The following ALKBH8 variants were observed in gnomAD, a reference collection of about 807,000 sequenced individuals.
The protein encoded by ALKBH8 is tRNA (carboxymethyluridine(34)-5-O)-methyltransferase ALKBH8.
ALKBH8 carries 36 observed loss-of-function variants against 59.8 expected under a neutral mutation model. That is an observed-to-expected ratio of 0.60 (90% confidence interval 0.46 to 0.79). The LOEUF (loss-of-function observed/expected upper bound fraction) is 0.79, where lower values mean the gene tolerates loss of function less well. ALKBH8 is among the 30% of genes least tolerant of loss of function. ALKBH8 has a pLI of 0.00. For synonymous variants in ALKBH8, 276 were observed against 273.6 expected (o/e 1.01, Z -0.09); for missense variants, 768 against 801.0 (o/e 0.96, Z 0.50).
chr11:107,561,416 A>G (rs1459862089), intron 1 of ALKBH8, among the ~76,000 whole-genome samples: 1 of 152,180 alleles, frequency 6.6e-6, no homozygotes, highest in Admixed American at 6.5e-5. Context: ...TAAACACAAA[A>G]TTCAGGAGAG....
intron 8 of ALKBH8, among the ~76,000 whole-genome samples, chr11:107,526,666 A>C (rs1389954777): frequency 6.6e-6 from 1 of 151,960 alleles, no homozygotes; most frequent in African/African-American, 2.4e-5. Context: ...GGTCACAAAA[A>C]CAGTTTTTTA....
chr11:107,512,309 T>TTTTGTTTG (rs10676289), intron 10 of ALKBH8, among the ~76,000 whole-genome samples: 3 of 138,776 alleles, frequency 2.2e-5, no homozygotes, highest in African/African-American at 4.9e-5. Context: ...AAGGGTTTTT[T>TTTTGTTTG]TTTGTTTGTT....
At chr11:107,552,009 T>C (rs1469326687) in intron 5 of ALKBH8, 97 bp from the exon 6 acceptor site, 3 of 580,708 alleles carry the variant, frequency 5.2e-6, no homozygotes, top group Non-Finnish European at 7.7e-6. Flanking sequence ...ATCTCTGAGC[T>C]TTTAATTTAG....
intron 7 of ALKBH8, among the ~76,000 whole-genome samples, chr11:107,534,873 C>T (rs1316073677): frequency 6.6e-6 from 1 of 151,876 alleles, no homozygotes; most frequent in Non-Finnish European, 1.5e-5. Flanking sequence ...GCAGTGTACA[C>T]TGTACCCAAT....
intron 8 of ALKBH8, among the ~76,000 whole-genome samples, chr11:107,527,385 C>G (rs892335428): frequency 5.3e-5 from 8 of 151,906 alleles, no homozygotes; most frequent in African/African-American, 1.9e-4. Context: ...GTTGATACCT[C>G]TTTACTATAA....
At chr11:107,538,626 T>G (rs1863918270) in intron 7 of ALKBH8, among the ~76,000 whole-genome samples, 1 of 152,174 alleles carries the variant, frequency 6.6e-6, no homozygotes, top group Non-Finnish European at 1.5e-5. Context: ...TATACAACTT[T>G]CACACATCCA....
chr11:107,514,310 A>C (rs1862766206), intron 10 of ALKBH8, among the ~76,000 whole-genome samples: 2 of 152,192 alleles, frequency 1.3e-5, no homozygotes, highest in African/African-American at 4.8e-5. Flanking sequence ...ATTCACAATA[A>C]AAGAATGGAA....
chr11:107,565,472 TG>T, intron 1 of ALKBH8, 128 bp downstream of exon 1: 1 of 1,368,214 alleles, frequency 7.3e-7, no homozygotes, highest in Non-Finnish European at 9.9e-7. Flanking sequence ...AGGGCGCCTC[TG>T]GGATCCATCC....
At chr11:107,558,903 G>A (rs189168262) in intron 2 of ALKBH8, among the ~76,000 whole-genome samples, 2 of 152,178 alleles carry the variant, frequency 1.3e-5, no homozygotes, top group Non-Finnish European at 1.5e-5. Context: ...GTACAAAGGA[G>A]CCTAAAATTA....
intron 8 of ALKBH8, among the ~76,000 whole-genome samples, chr11:107,530,573 C>A (rs920622599): frequency 6.7e-6 from 1 of 149,528 alleles, no homozygotes; most frequent in Non-Finnish European, 1.5e-5. Context: ...CCCTCTCTCC[C>A]CCATTTCCCC....
intron 10 of ALKBH8, among the ~76,000 whole-genome samples, chr11:107,514,506 A>T (rs901777616): frequency 2.0e-5 from 3 of 152,214 alleles, no homozygotes; most frequent in Non-Finnish European, 2.9e-5. Context: ...ATATATTTTA[A>T]GATAAAAAGT....
At chr11:107,525,684 G>A (rs1863323377) in intron 8 of ALKBH8, 92 bp from the exon 9 acceptor site, 2 of 887,948 alleles carry the variant, frequency 2.3e-6, no homozygotes, top group East Asian at 6.5e-5. Context: ...AGAAAATCTA[G>A]AAGAATTTAT....
At chr11:107,513,518 G>A (rs1409452684) in intron 10 of ALKBH8, among the ~76,000 whole-genome samples, 4 of 152,146 alleles carry the variant, frequency 2.6e-5, no homozygotes, top group East Asian at 3.9e-4. Context: ...ATTACCATTC[G>A]ACCCAGCAAT....
Position 107,554,333 on chromosome 11 carries a change from T to G in ALKBH8, c.368-355A>C, listed in dbSNP as rs565335376. On this transcript the variant is annotated intron_variant, in intron 3 of 11. Transcript: ENST00000428149. ...TAAATAATGAATACAAGAATTTAAATACTCATTTTTGCTCTTAGGCTCTTG... is the reference window on the plus strand; with the variant it reads ...TAAATAATGAATACAAGAATTTAAAGACTCATTTTTGCTCTTAGGCTCTTG... Among the ~76,000 whole-genome samples, 6 of 152,296 alleles carry G rather than the reference T, an allele frequency of 3.9e-5. No homozygotes were observed. The South Asian group carries it at 1.2e-3, about 32-fold the overall frequency.
chr11:107,508,749 G>A (rs1338437037), intron 11 of ALKBH8, among the ~76,000 whole-genome samples: 1 of 152,138 alleles, frequency 6.6e-6, no homozygotes, highest in Non-Finnish European at 1.5e-5. Flanking sequence ...GTTCATGTAA[G>A]TAGAATGATA....
At chr11:107,521,340 G>A (rs1863102201) in intron 10 of ALKBH8, among the ~76,000 whole-genome samples, 1 of 151,988 alleles carries the variant, frequency 6.6e-6, no homozygotes, top group South Asian at 2.1e-4. Context: ...AATCTTTTAT[G>A]ATCATTAAAT....
chr11:107,563,327 C>T (rs1005412494), intron 1 of ALKBH8, among the ~76,000 whole-genome samples: 17 of 152,128 alleles, frequency 1.1e-4, no homozygotes, highest in African/African-American at 3.9e-4. Context: ...ACCACAGAGC[C>T]TCATTCAGTG....
intron 7 of ALKBH8, among the ~76,000 whole-genome samples, chr11:107,545,857 T>C (rs1382399750): frequency 3.9e-5 from 6 of 152,166 alleles, no homozygotes; most frequent in Admixed American, 2.0e-4. Flanking sequence ...CAGAGGACCA[T>C]TTAAATCACA....
rs1862594863 is a variant in ALKBH8, at chr11:107,510,918, G to T, written c.1406C>A (p.Ser469Tyr). ...VRSGSCDACISIAVIHHFATA... is the reference protein window; with the variant it reads ...VRSGSCDACIYIAVIHHFATA... ...TGCAAAATGATGAATAACAGCAATG[G>T]AGATGCAGGCATCACAAGACCCACT... Residue 469 changes from serine (S) to tyrosine (Y), a missense_variant, in exon 11 of 12, where the codon TCC becomes TAC. By Grantham distance (144) the Ser-to-Tyr change is moderately radical. Transcript: ENST00000428149. 1 of 1,551,570 alleles carries T rather than the reference G, an allele frequency of 6.4e-7. No homozygotes were observed. Among genetic ancestry groups the T allele is most frequent in the Non-Finnish European group, 8.7e-7 (1 of 1,146,912 alleles).
Sources: gnomAD v4.1 joint callset for allele counts (sites outside exome capture counted in the v4.1 genomes callset) on GRCh38, gnomAD v4.1.1 for gene constraint, MANE v1.5 for transcripts, NCBI Gene and HGNC (gene_info 2026-07-23, HGNC 2026-07-21) for gene names.